The following GLI2 variants were observed in gnomAD, a reference collection of about 807,000 sequenced individuals.
The protein encoded by GLI2 is transcription activator GLI2.
In GLI2, 22 loss-of-function variants were observed where a neutral mutation model predicts 78.9. The ratio of observed to expected loss-of-function variants is 0.28; its 90% CI spans 0.20 to 0.40. The LOEUF is 0.40. Among genes scored for constraint, GLI2 ranks in the 10% least tolerant of loss-of-function variants. GLI2 has a pLI of 1.00. For synonymous variants in GLI2, 974 were observed against 963.7 expected, an observed-to-expected ratio of 1.01 and a Z score of -0.20; for missense variants, 2,097 against 2,213.2, an observed-to-expected ratio of 0.95 and a Z score of 1.05.
At chr2:120,821,884 C>T (rs979074219) in intron 2 of GLI2, among the ~76,000 whole-genome samples, 1 of 152,176 alleles carries the variant, frequency 6.6e-6, no homozygotes, top group Non-Finnish European at 1.5e-5. Context: ...CCTCCTTTCC[C>T]CTGGGCTGGG....
chr2:120,988,698 C>T lies in GLI2; in HGVS notation c.2733C>T (p.Pro911=), dbSNP rs1178916397. Residue 911 remains proline, a synonymous_variant, in exon 14 of 14, where the codon CCC becomes CCT. Coordinates refer to ENST00000361492, the MANE Select transcript of GLI2 (RefSeq NM_001374353.1). ...ALLDAPERTL[P]AGCPRPLGPR... ...TGGACGCGCCCGAGCGCACGCTGCC[C>T]GCCGGCTGCCCACGCCCACTGGGGC... The T allele has an allele frequency of 2.4e-6, 3 of 1,249,932 alleles. No individual in the cohort carries two copies. Among genetic ancestry groups the T allele is most frequent in the Admixed American group, 4.2e-5 (1 of 24,068 alleles). The allele number at this position is 1,249,932 out of a possible 1,614,324, so 77.4% of individuals were successfully genotyped here.
chr2:120,846,591 G>A (rs1343957312), intron 2 of GLI2, among the ~76,000 whole-genome samples: 1 of 152,212 alleles, frequency 6.6e-6, no homozygotes, highest in African/African-American at 2.4e-5. Context: ...CGAAGCACCT[G>A]TCCTGCCTTT....
At chr2:120,755,399 C>T (rs1187710668) in intron 1 of GLI2, among the ~76,000 whole-genome samples, 1 of 152,040 alleles carries the variant, frequency 6.6e-6, no homozygotes, top group Admixed American at 6.5e-5. Flanking sequence ...TATATTGTCT[C>T]TAGTGAAAAG....
In GLI2 at chr2:120,959,029, C is replaced by T. The variant is rs753900; in HGVS notation, c.643+3599C>T. 9.2e-5 allele frequency among the ~76,000 whole-genome samples: 14 copies of T among 152,278 alleles called. No homozygotes were observed. In the South Asian group the frequency reaches 1.4e-3, roughly 16 times the overall value. Reference sequence around the variant, plus strand: ...CGCTCCAGCTAAGGAAAGAAGCACTCGAGGAATGTAGCTGTTGGCTCACAG... The same window carrying T: ...CGCTCCAGCTAAGGAAAGAAGCACTTGAGGAATGTAGCTGTTGGCTCACAG... On this transcript the variant is annotated intron_variant, in intron 5 of 13. Coordinates refer to ENST00000361492, the MANE Select transcript of GLI2 (RefSeq NM_001374353.1).
At chr2:120,787,391 A>C (rs1158656492) in intron 1 of GLI2, among the ~76,000 whole-genome samples, 1 of 152,132 alleles carries the variant, frequency 6.6e-6, no homozygotes, top group African/African-American at 2.4e-5. Flanking sequence ...TTCCACCCTC[A>C]GTGGCCCTTG....
intron 1 of GLI2, among the ~76,000 whole-genome samples, chr2:120,781,160 C>T (rs1683837000): frequency 1.3e-5 from 2 of 152,202 alleles, no homozygotes; most frequent in Non-Finnish European, 2.9e-5. Context: ...GGAGCCATGC[C>T]CCTGGCCTGC....
chr2:120,777,546 C>T (rs1337526083), intron 1 of GLI2, among the ~76,000 whole-genome samples: 1 of 150,838 alleles, frequency 6.6e-6, no homozygotes, highest in Non-Finnish European at 1.5e-5. Flanking sequence ...GGTGCAGCAG[C>T]AGCTGGAGGA....
chr2:120,894,765 C>A (rs1179157583), intron 2 of GLI2, among the ~76,000 whole-genome samples: 1 of 150,690 alleles, frequency 6.6e-6, no homozygotes. Context: ...GTGGCGCGAT[C>A]TTGGCTCACT....
intron 2 of GLI2, among the ~76,000 whole-genome samples, chr2:120,857,800 C>G (rs1687731448): frequency 7.9e-6 from 1 of 126,702 alleles, no homozygotes; most frequent in South Asian, 2.9e-4. Flanking sequence ...AGTTTCTGAT[C>G]TCTTTTTGCA....
intron 2 of GLI2, among the ~76,000 whole-genome samples, chr2:120,857,031 G>T (rs1687677328): frequency 6.6e-6 from 1 of 152,048 alleles, no homozygotes; most frequent in Non-Finnish European, 1.5e-5. Context: ...GGGCAGAAAA[G>T]CTCATCCTTC....
chr2:120,869,600 A>G (rs4848126), intron 2 of GLI2, among the ~76,000 whole-genome samples: 71,872 of 152,038 alleles, frequency 0.47, 17,851 homozygotes, highest in East Asian at 0.76. Context: ...GTAAACTGAT[A>G]GCAGTTGCAA....
At chr2:120,950,807 A>G (rs1320836635) in intron 3 of GLI2, among the ~76,000 whole-genome samples, 2 of 152,172 alleles carry the variant, frequency 1.3e-5, no homozygotes, top group African/African-American at 2.4e-5. Context: ...TGTTAGCAGT[A>G]TGAGCTCTTT....
chr2:120,824,588 C>G (rs1685948659), intron 2 of GLI2, among the ~76,000 whole-genome samples: 1 of 151,740 alleles, frequency 6.6e-6, no homozygotes, highest in African/African-American at 2.4e-5. Flanking sequence ...GGCTGTAAGC[C>G]CCTTTGGGCC....
intron 2 of GLI2, among the ~76,000 whole-genome samples, chr2:120,926,642 A>G (rs1437981354): frequency 6.6e-6 from 1 of 152,216 alleles, no homozygotes; most frequent in Non-Finnish European, 1.5e-5. Context: ...ATAAACAAAG[A>G]GCATCCTACA....
chr2:120,739,380 G>T (rs1270678245), intron 1 of GLI2, among the ~76,000 whole-genome samples: 1 of 152,186 alleles, frequency 6.6e-6, no homozygotes, highest in Non-Finnish European at 1.5e-5. Context: ...GAAAGCTTGT[G>T]TGACCCCCTC....
At chr2:120,981,261 A>C (rs892582921) in intron 10 of GLI2, among the ~76,000 whole-genome samples, 1 of 152,180 alleles carries the variant, frequency 6.6e-6, no homozygotes, top group Non-Finnish European at 1.5e-5. Context: ...GTCTGAGTCC[A>C]TTTGCTGAAA....
At chr2:120,802,074 T>C (rs1000491935) in intron 2 of GLI2, among the ~76,000 whole-genome samples, 1 of 152,208 alleles carries the variant, frequency 6.6e-6, no homozygotes, top group Non-Finnish European at 1.5e-5. Context: ...TGATGGCACC[T>C]GCTCTCTTCC....
chr2:120,971,544 G>A (rs1273095956), intron 7 of GLI2, among the ~76,000 whole-genome samples: 5 of 152,240 alleles, frequency 3.3e-5, no homozygotes, highest in Non-Finnish European at 5.9e-5. Flanking sequence ...TTCTCCTGAG[G>A]AACTGGGCTC....
At chr2:120,748,157 G>A (rs1346254563) in intron 1 of GLI2, among the ~76,000 whole-genome samples, 2 of 152,206 alleles carry the variant, frequency 1.3e-5, no homozygotes, top group African/African-American at 4.8e-5. Context: ...TATTGGCCAG[G>A]AGCAGGAATT....
Sources: gnomAD v4.1 joint callset for allele counts (sites outside exome capture counted in the v4.1 genomes callset) on GRCh38, gnomAD v4.1.1 for gene constraint, MANE v1.5 for transcripts, NCBI Gene and HGNC (gene_info 2026-07-23, HGNC 2026-07-21) for gene names.